Variants in DIO2 observed in about 807,000 individuals in gnomAD.
DIO2 encodes the protein iodothyronine deiodinase 2, also known as type II iodothyronine deiodinase.
A neutral mutation model predicts 21.4 loss-of-function variants in DIO2; 19 were observed. The observed-to-expected ratio is 0.89, with a 90% confidence interval of 0.62 to 1.30. DIO2 has a LOEUF of 1.30. Among genes scored for constraint, DIO2 ranks in the 50% most tolerant of loss-of-function variants. The probability of loss-of-function intolerance (pLI) is 0.00; values close to 1 mark genes in which losing one functional copy is unlikely to be tolerated. For missense variants in DIO2, 302 were observed against 338.1 expected (o/e 0.89, Z 0.84); for synonymous variants, 122 against 132.9 (o/e 0.92, Z 0.57).
At chr14:80,208,932 TTACATAAATCATCAAAAGCAAACA>T in intron 1 of DIO2, among the ~76,000 whole-genome samples, 1 of 152,196 alleles carries the variant, frequency 6.6e-6, no homozygotes, top group African/African-American at 2.4e-5. Flanking sequence ...ATGGTAGCTA[TTACATAAATCATCAAAAGCAAACA>T]TAATAACATC....
At chr14:80,205,995 A>G (rs556084006) in intron 1 of DIO2, among the ~76,000 whole-genome samples, 2 of 152,270 alleles carry the variant, frequency 1.3e-5, no homozygotes, top group Admixed American at 1.3e-4. Context: ...CCTCTCATAG[A>G]GTACTACCAA....
intron 1 of DIO2, among the ~76,000 whole-genome samples, chr14:80,210,658 T>C (rs1275320847): frequency 6.6e-6 from 1 of 152,154 alleles, no homozygotes; most frequent in African/African-American, 2.4e-5. Flanking sequence ...AGGGTTCAAA[T>C]TTGAATCAAT....
At chr14:80,230,536 G>A (rs542800452) in intron 2 of DIO2, among the ~76,000 whole-genome samples, 1 of 152,214 alleles carries the variant, frequency 6.6e-6, no homozygotes, top group African/African-American at 2.4e-5. Context: ...GAACAAATCA[G>A]CTTCATTATG....
chr14:80,221,817 T>G (rs1888471698), intron 2 of DIO2, among the ~76,000 whole-genome samples: 1 of 152,208 alleles, frequency 6.6e-6, no homozygotes, highest in East Asian at 1.9e-4. Flanking sequence ...CAACTCATAA[T>G]AGGTCTGTGC....
chr14:80,230,518 C>G lies in DIO2; in HGVS notation c.-277-13781G>C, dbSNP rs573880262. 1.1e-4 allele frequency among the ~76,000 whole-genome samples: 16 copies of G among 152,244 alleles called. No individual in the cohort carries two copies. In the South Asian group the frequency reaches 3.3e-3, roughly 32 times the overall value. Reference sequence around the variant, plus strand: ...TTCTTTCATTACTTTCCCCACTGAACTTAGGAGGAACAAATCAGCTTCATT... The same window carrying G: ...TTCTTTCATTACTTTCCCCACTGAAGTTAGGAGGAACAAATCAGCTTCATT... On this transcript the variant is annotated intron_variant, in intron 2 of 4. Transcript: ENST00000553594.
intron 2 of DIO2, among the ~76,000 whole-genome samples, chr14:80,220,309 A>G (rs948710589): frequency 6.6e-6 from 1 of 152,196 alleles, no homozygotes; most frequent in African/African-American, 2.4e-5. Flanking sequence ...CTCCTTTTCA[A>G]TTAACAGAAA....
At position 80,202,814 on chromosome 14, in the gene DIO2, C is replaced by T. The variant is rs1160106738; in HGVS notation, c.697G>A (p.Val233Met). 6.2e-7 allele frequency: 1 copy of T among 1,613,920 alleles called. No individual in the cohort carries two copies. Among genetic ancestry groups the T allele is most frequent in the South Asian group, 1.1e-5 (1 of 91,074 alleles). ...YGVAFERVCIVQRQKIAYLGG... is the reference protein window; with the variant it reads ...YGVAFERVCIMQRQKIAYLGG... The stretch of plus-strand genomic sequence containing the variant: ...AGATAAGCAATTTTCTGTCTCTGCA[C>T]AATGCACACACGTTCAAAGGCTACC... Residue 233 changes from valine (V) to methionine (M), a missense_variant, in exon 2 of 2, where the codon GTG becomes ATG. By Grantham distance (21) the Val-to-Met change is conservative. Transcript: ENST00000438257.
At position 80,211,464 on chromosome 14, in the gene DIO2, G is replaced by C; in HGVS notation, c.9C>G (p.Ile3Met). MG[I>M]LSVDLLITLQ... ...GTGTGATCAGCAAGTCTACGCTGAG[G>C]ATGCCCATCTTCTCTGCCTCCTGAG... is the stretch of plus-strand genomic sequence containing the variant. Residue 3 changes from isoleucine to methionine, a missense_variant, in exon 1 of 2, where the codon ATC (isoleucine) becomes ATG (methionine). Coordinates refer to ENST00000438257, the MANE Select transcript of DIO2 (RefSeq NM_013989.5). 1 of 1,606,742 alleles carries C rather than the reference G, an allele frequency of 6.2e-7. No homozygotes were observed. Among genetic ancestry groups the C allele is most frequent in the African/African-American group, 1.3e-5 (1 of 74,320 alleles).
chr14:80,204,205 A>T (rs910124829), intron 1 of DIO2, among the ~76,000 whole-genome samples: 1 of 149,890 alleles, frequency 6.7e-6, no homozygotes, highest in East Asian at 1.9e-4. Context: ...ATTTCCATTT[A>T]AAAAAAAAAT....
intron 2 of DIO2, among the ~76,000 whole-genome samples, chr14:80,223,677 G>A (rs1888512757): frequency 6.6e-6 from 1 of 152,154 alleles, no homozygotes; most frequent in African/African-American, 2.4e-5. Context: ...TTTTAGAGTA[G>A]AATGTAATTT....
intron 1 of DIO2, among the ~76,000 whole-genome samples, chr14:80,206,675 A>G (rs1005335178): frequency 2.0e-5 from 3 of 152,150 alleles, no homozygotes; most frequent in African/African-American, 7.2e-5. Context: ...AGCTCAACAA[A>G]AACAAGTTAT....
At chr14:80,215,258 C>G (rs559599553), upstream of DIO2, among the ~76,000 whole-genome samples, 5 of 152,196 alleles carry the variant, frequency 3.3e-5, no homozygotes, top group South Asian at 1.0e-3. Context: ...ATGAAAAAAC[C>G]TTTGCAAAAT....
chr14:80,216,872 AATAAAATAGGTCATTCTTT>A (rs1888373903), intron 2 of DIO2: 1 of 152,194 alleles, frequency 6.6e-6, no homozygotes, highest in Non-Finnish European at 1.5e-5. Flanking sequence ...TAAGTTTTAA[AATAAAATAGGTCATTCTTT>A]ATAAATGGCT....
In DIO2 at chr14:80,202,316, G is replaced by A. The variant is rs768863212; in HGVS notation, c.*373C>T. On this transcript the variant is annotated 3_prime_UTR_variant, in exon 2 of 2. Transcript: ENST00000438257. ...AGGCAATACCCTTTATCTTAACGTAGACAGTAGCTTCCCTAATGTAGTAAT... is the reference window on the plus strand; with the variant it reads ...AGGCAATACCCTTTATCTTAACGTAAACAGTAGCTTCCCTAATGTAGTAAT... 4.7e-5 allele frequency: 25 copies of A among 531,180 alleles called. No homozygotes were observed. The highest frequency in any genetic ancestry group is 4.6e-4 in the African/African-American group (24 of 52,516). 32.9% of individuals were successfully genotyped at this position (531,180 alleles called of 1,614,324 possible). A position where few individuals can be genotyped will look rare whatever the true frequency, so the allele number is the denominator to read the frequency against.
intron 2 of DIO2, among the ~76,000 whole-genome samples, chr14:80,230,714 C>T (rs1259166507): frequency 8.5e-5 from 13 of 152,098 alleles, no homozygotes; most frequent in Non-Finnish European, 1.3e-4. Flanking sequence ...GAATTAGAGT[C>T]CTTAGCATTT....
intron 1 of DIO2, among the ~76,000 whole-genome samples, chr14:80,204,268 A>C (rs950104275): frequency 2.6e-5 from 4 of 152,306 alleles, no homozygotes; most frequent in South Asian, 4.1e-4. Flanking sequence ...CTTTAAGTCA[A>C]TTTCTCATTT....
intron 2 of DIO2, among the ~76,000 whole-genome samples, chr14:80,226,102 A>G (rs2140022996): frequency 6.6e-6 from 1 of 152,244 alleles, no homozygotes; most frequent in East Asian, 1.9e-4. Context: ...TGATTCCTAG[A>G]CCCATGAATC....
Position 80,198,349 on chromosome 14 carries a change from G to A in DIO2, c.*4340C>T, listed in dbSNP as rs1011917683. 1 of 152,616 alleles carries A rather than the reference G, an allele frequency of 6.6e-6. No individual in the cohort carries two copies. Among genetic ancestry groups the A allele is most frequent in the Non-Finnish European group, 1.5e-5 (1 of 68,066 alleles). The allele number at this position is 152,616 out of a possible 1,614,324, so 9.5% of individuals were successfully genotyped here. Reference sequence around the variant, plus strand: ...TTTCTATTGGTTCAGACTCACCTTGGAACAGAGCTGGGTCTGTTAAGTCTG... The same window carrying A: ...TTTCTATTGGTTCAGACTCACCTTGAAACAGAGCTGGGTCTGTTAAGTCTG... On this transcript the variant is annotated 3_prime_UTR_variant, in exon 2 of 2. Coordinates refer to ENST00000438257, the MANE Select transcript of DIO2 (RefSeq NM_013989.5).
chr14:80,226,879 G>C (rs569074926), intron 2 of DIO2, among the ~76,000 whole-genome samples: 2 of 152,314 alleles, frequency 1.3e-5, no homozygotes, highest in South Asian at 4.1e-4. Context: ...TATCTTCACA[G>C]TTTTTGACCA....
Sources: gnomAD v4.1 joint callset for allele counts (sites outside exome capture counted in the v4.1 genomes callset) on GRCh38, gnomAD v4.1.1 for gene constraint, MANE v1.5 for transcripts, NCBI Gene and HGNC (gene_info 2026-07-23, HGNC 2026-07-21) for gene names.